Variants in ZBTB40 observed in about 807,000 individuals in gnomAD.
ZBTB40 encodes zinc finger and BTB domain-containing protein 40.
In ZBTB40, 60 loss-of-function variants were observed where a neutral mutation model predicts 117.5. That is an observed-to-expected ratio of 0.51 (90% CI 0.41 to 0.63). ZBTB40 has a LOEUF of 0.63. Among genes scored for constraint, ZBTB40 ranks in the 30% least tolerant of loss-of-function variants. The pLI, the probability that ZBTB40 is intolerant of heterozygous loss-of-function variation, is 0.00. For missense variants in ZBTB40, 1,287 were observed against 1,498.5 expected, an observed-to-expected ratio of 0.86 and a Z score of 2.33; for synonymous variants, 525 against 577.1, an observed-to-expected ratio of 0.91 and a Z score of 1.29.
At chr1:22,483,413 T>C (rs1052547651) in intron 1 of ZBTB40, among the ~76,000 whole-genome samples, 6 of 152,346 alleles carry the variant, frequency 3.9e-5, no homozygotes, top group Admixed American at 2.0e-4. Flanking sequence ...CCCACCGGCA[T>C]TGAATGAAAG....
At chr1:22,502,764 A>G (rs780720148) in intron 5 of ZBTB40, among the ~76,000 whole-genome samples, 1 of 152,154 alleles carries the variant, frequency 6.6e-6, no homozygotes, top group African/African-American at 2.4e-5. Flanking sequence ...GATATATGCT[A>G]TTCCTGCTCT....
rs538971978 is a variant in ZBTB40, at chr1:22,502,515, G to A, written c.1167+74G>A. On this transcript the variant is annotated intron_variant, in intron 5 of 17. Coordinates refer to ENST00000375647, the MANE Select transcript of ZBTB40 (RefSeq NM_014870.4). ...TAAAAAAATGCTTTTGTGGCACATA[G>A]CACTTTATACTTTGCAGTATTTTAA... 4 of 1,592,554 alleles carry A rather than the reference G, an allele frequency of 2.5e-6. No individual in the cohort carries two copies. The South Asian group carries it at 4.4e-5, about 18-fold the overall frequency.
At chr1:22,503,066 A>C (rs141960188) in intron 5 of ZBTB40, among the ~76,000 whole-genome samples, 1 of 151,186 alleles carries the variant, frequency 6.6e-6, no homozygotes, top group African/African-American at 2.4e-5. Flanking sequence ...ATACATGTCT[A>C]TACCTATAAT....
intron 1 of ZBTB40, among the ~76,000 whole-genome samples, chr1:22,479,208 T>A (rs1638223395): frequency 6.6e-6 from 1 of 152,244 alleles, no homozygotes; most frequent in Non-Finnish European, 1.5e-5. Flanking sequence ...ATGAGAGTTC[T>A]GGTCACTCAA....
In ZBTB40 at chr1:22,508,589, A is replaced by G. The variant is rs777382413; in HGVS notation, c.1557A>G (p.Ser519=). 2.3e-5 allele frequency: 37 copies of G among 1,614,104 alleles called. No individual in the cohort carries two copies. Among genetic ancestry groups the G allele is most frequent in the Non-Finnish European group, 3.1e-5 (37 of 1,180,046 alleles). The part of the protein sequence containing the change: ...SGSGGFNSLI[S]AVLEKQTLSA... ...CAGGTGGTTTCAATTCTCTGATATC[A>G]GCAGTTCTAGAAAAGCAGACTCTCT... The change falls in exon 8 of 18, where the codon TCA becomes TCG. Residue 519 remains serine, a synonymous_variant. Transcript: ENST00000375647.
chr1:22,468,448 T>G (rs1208497026), intron 1 of ZBTB40, among the ~76,000 whole-genome samples: 1 of 149,982 alleles, frequency 6.7e-6, no homozygotes, highest in Non-Finnish European at 1.5e-5. Context: ...TTTTAAAATT[T>G]AAAATGTTAA....
intron 9 of ZBTB40, 26 bp downstream of exon 9, chr1:22,509,259 G>T: frequency 6.2e-7 from 1 of 1,613,974 alleles, no homozygotes; most frequent in South Asian, 1.1e-5. Context: ...AAAGCGAAAT[G>T]CCAGAGAGTT....
chr1:22,512,096 CAT>C lies in ZBTB40; in HGVS notation c.2424_2425del (p.Cys809Ter). The C allele has an allele frequency of 1.2e-6, 2 of 1,613,650 alleles. No individual in the cohort carries two copies. Among genetic ancestry groups the C allele is most frequent in the Non-Finnish European group, 1.7e-6 (2 of 1,180,038 alleles). Reference sequence around the variant, plus strand: ...AAGAAGAAGAAGAGGCTTCCAGTGACATGTGACCTCTGTGGCAGAGAATTTGC... The same window carrying C: ...AAGAAGAAGAAGAGGCTTCCAGTGACGTGACCTCTGTGGCAGAGAATTTGC... On this transcript the variant is annotated frameshift_variant, in exon 11 of 18. Transcript: ENST00000375647. LOFTEE classifies it high-confidence loss of function.
intron 1 of ZBTB40, among the ~76,000 whole-genome samples, chr1:22,437,485 A>G (rs1483189627): frequency 1.3e-5 from 2 of 151,290 alleles, no homozygotes; most frequent in African/African-American, 4.9e-5. Flanking sequence ...CAGTGGCACA[A>G]TCTCAGCTCA....
At chr1:22,461,792 GC>G (rs1641140035) in intron 1 of ZBTB40, among the ~76,000 whole-genome samples, 1 of 152,202 alleles carries the variant, frequency 6.6e-6, no homozygotes, top group African/African-American at 2.4e-5. Context: ...TGTGCCATAA[GC>G]TCCTTGAGAG....
chr1:22,490,999 A>G (rs1166089329), intron 2 of ZBTB40, among the ~76,000 whole-genome samples: 4 of 152,190 alleles, frequency 2.6e-5, no homozygotes, highest in Non-Finnish European at 5.9e-5. Flanking sequence ...GGGTTCAAGC[A>G]ATTCTCCTGC....
rs529695174 is a variant in ZBTB40 at position 22,461,185 on chromosome 1, G to A, written c.-70+9181G>A. Among the ~76,000 whole-genome samples, 3 of 152,302 alleles carry A rather than the reference G, an allele frequency of 2.0e-5. No homozygotes were observed. The East Asian group carries it at 5.8e-4, about 29-fold the overall frequency. On this transcript the variant is annotated intron_variant, in intron 1 of 17. Transcript: ENST00000375647. ...TGCTCTGAAGGCCTGAAGTCATTCA[G>A]TTTGACCACTCTAGACACAAGCTGC... is the stretch of plus-strand genomic sequence containing the variant.
chr1:22,518,665 C>T (rs1569883635), intron 13 of ZBTB40, among the ~76,000 whole-genome samples: 1 of 152,182 alleles, frequency 6.6e-6, no homozygotes, highest in South Asian at 2.1e-4. Flanking sequence ...TTTGCCAAAG[C>T]TCCTATGTGC....
chr1:22,470,569 C>T (rs112138333), intron 1 of ZBTB40, among the ~76,000 whole-genome samples: 4 of 152,096 alleles, frequency 2.6e-5, no homozygotes, highest in African/African-American at 9.6e-5. Flanking sequence ...ATGTCCCGAG[C>T]GTCAAAAGAA....
chr1:22,473,072 T>A (rs1191178672), intron 1 of ZBTB40, among the ~76,000 whole-genome samples: 1 of 152,166 alleles, frequency 6.6e-6, no homozygotes, highest in Non-Finnish European at 1.5e-5. Flanking sequence ...AGAGGTGAAG[T>A]GTTGCTTAAA....
intron 14 of ZBTB40, 62 bp downstream of exon 14, chr1:22,520,337 T>C: frequency 7.2e-7 from 1 of 1,391,128 alleles, no homozygotes. Flanking sequence ...CATTTGATCT[T>C]CCCTGATGCC....
intron 5 of ZBTB40, among the ~76,000 whole-genome samples, chr1:22,505,132 C>T (rs1192074674): frequency 6.6e-6 from 1 of 152,126 alleles, no homozygotes; most frequent in Non-Finnish European, 1.5e-5. Context: ...ATGGCAGCCT[C>T]TGGCATACTA....
chr1:22,502,413 A>G lies in ZBTB40; in HGVS notation c.1139A>G (p.Glu380Gly). 1.2e-6 allele frequency: 2 copies of G among 1,614,118 alleles called. No homozygotes were observed. The highest frequency in any genetic ancestry group is 8.5e-7 in the Non-Finnish European group (1 of 1,179,974). The change falls in exon 5 of 18, where the codon GAG becomes GGG. Residue 380 changes from glutamate to glycine, a missense_variant. Coordinates refer to ENST00000375647, the MANE Select transcript of ZBTB40 (RefSeq NM_014870.4). Reference sequence around the variant, plus strand: ...ATGGAGTCCCTGGAAACAGCCAAGGAGGAATTCCTGACTGGCACTGAAAAA... The same window carrying G: ...ATGGAGTCCCTGGAAACAGCCAAGGGGGAATTCCTGACTGGCACTGAAAAA... The part of the protein sequence containing the change: ...PIMESLETAK[E>G]EFLTGTEKRV...
chr1:22,445,966 T>C (rs540568115), intron 1 of ZBTB40, among the ~76,000 whole-genome samples: 30 of 151,894 alleles, frequency 2.0e-4, no homozygotes, highest in Non-Finnish European at 3.1e-4. Flanking sequence ...GTTGGAATTA[T>C]CAGACCAGGG....
Sources: gnomAD v4.1 joint callset for allele counts (sites outside exome capture counted in the v4.1 genomes callset) on GRCh38, gnomAD v4.1.1 for gene constraint, MANE v1.5 for transcripts, NCBI Gene and HGNC (gene_info 2026-07-23, HGNC 2026-07-21) for gene names.